The following FKBP1B variants were observed in gnomAD, a reference collection of about 807,000 sequenced individuals.
FKBP1B encodes FKBP prolyl isomerase 1B.
A neutral mutation model predicts 13.5 loss-of-function variants in FKBP1B; 4 were observed. That is an observed-to-expected ratio of 0.30 (90% CI 0.15 to 0.68). The LOEUF (loss-of-function observed/expected upper bound fraction) is 0.68. Among genes scored for constraint, FKBP1B ranks in the 30% least tolerant of loss-of-function variants. The probability of loss-of-function intolerance (pLI) is 0.76; values close to 1 mark genes in which losing one functional copy is unlikely to be tolerated. For synonymous variants in FKBP1B, 54 were observed against 53.6 expected, an observed-to-expected ratio of 1.01 and a Z score of -0.03; for missense variants, 93 against 136.2, an observed-to-expected ratio of 0.68 and a Z score of 1.58.
rs147758762 is a variant in FKBP1B, at chr2:24,056,567, G to A, written c.85+2618G>A. Among the ~76,000 whole-genome samples, 578 of 151,730 alleles carry A rather than the reference G, an allele frequency of 3.8e-3. 4 individuals are homozygous for A. Among genetic ancestry groups the A allele is most frequent in the Admixed American group, 7.7e-3 (117 of 15,244 alleles). Reference sequence around the variant, plus strand: ...CCATGTTGGCCAGGCTGGTCACTGTGGTTTTGATTTGTGTTTCCCTGATGA... The same window carrying A: ...CCATGTTGGCCAGGCTGGTCACTGTAGTTTTGATTTGTGTTTCCCTGATGA... On this transcript the variant is annotated intron_variant, in intron 2 of 3. Transcript: ENST00000380986.
chr2:24,062,876 C>T, intron 3 of FKBP1B, 188 bp from the exon 4 acceptor site: 1 of 807,498 alleles, frequency 1.2e-6, no homozygotes, highest in African/African-American at 1.7e-5. Flanking sequence ...CACATCTCTG[C>T]TGAGGCAGAA....
At position 24,049,819 on chromosome 2, in the gene FKBP1B, A is replaced by AC. The variant is rs569137359; in HGVS notation, c.-25dup. The AC allele has an allele frequency of 1.4e-4, 193 of 1,341,876 alleles. 1 individual carries two copies. Among genetic ancestry groups the AC allele is most frequent in the African/African-American group, 7.9e-4 (52 of 65,462 alleles). The allele number at this position is 1,341,876 out of a possible 1,614,324, so 83.1% of individuals were successfully genotyped here. A position where few individuals can be genotyped will look rare whatever the true frequency, so the allele number is the denominator to read the frequency against. ...GAGCCGGGGTCGGGCAGCAGCAGGGACCCCCCAGAGGCGGGGCCTGTGGGA... is the reference window on the plus strand; with the variant it reads ...GAGCCGGGGTCGGGCAGCAGCAGGGACCCCCCCAGAGGCGGGGCCTGTGGGA... On this transcript the variant is annotated 5_prime_UTR_variant, in exon 1 of 4. Transcript: ENST00000380986.
chr2:24,040,099 C>A, the FKBP1B span, among the ~76,000 whole-genome samples: 1 of 152,068 alleles, frequency 6.6e-6, no homozygotes, highest in Non-Finnish European at 1.5e-5. Context: ...CCGCGCCCGG[C>A]CAGAGTTATT....
At chr2:24,039,038 T>C in the FKBP1B span, 6 of 1,614,168 alleles carry the variant, frequency 3.7e-6, no homozygotes, top group Non-Finnish European at 5.1e-6. Context: ...TGGGTGTTGA[T>C]GTCTGCCTTT....
At chr2:24,058,768 G>A (rs1021480357) in intron 2 of FKBP1B, among the ~76,000 whole-genome samples, 1 of 152,210 alleles carries the variant, frequency 6.6e-6, no homozygotes, top group Non-Finnish European at 1.5e-5. Flanking sequence ...ATGTGAGCAT[G>A]CACAAGTATC....
the FKBP1B span, among the ~76,000 whole-genome samples, chr2:24,043,817 G>A: frequency 2.6e-5 from 4 of 151,808 alleles, no homozygotes; most frequent in Non-Finnish European, 1.5e-5. Context: ...CCAACCTGGT[G>A]ATTTGCTTAT....
At chr2:24,037,771 A>C in the FKBP1B span, 1 of 1,614,256 alleles carries the variant, frequency 6.2e-7, no homozygotes, top group South Asian at 1.1e-5. Context: ...AAGTTCAGAA[A>C]GACACCGTTG....
Position 24,056,446 on chromosome 2 carries a change from C to T in FKBP1B, c.85+2497C>T, listed in dbSNP as rs564441608. ...TGCAACCCCGCCTCCTGGGTTCAAG[C>T]GATTCTTGTGCCTCAACCTCCCAAG... On this transcript the variant is annotated intron_variant, in intron 2 of 3. Transcript: ENST00000380986. Among the ~76,000 whole-genome samples, 26 of 151,472 alleles carry T rather than the reference C, an allele frequency of 1.7e-4. No homozygotes were observed. In the South Asian group the frequency reaches 3.1e-3, roughly 18 times the overall value.
At chr2:24,037,096 C>T in the FKBP1B span, among the ~76,000 whole-genome samples, 4 of 152,360 alleles carry the variant, frequency 2.6e-5, no homozygotes, top group Admixed American at 2.0e-4. Context: ...GGCACAGTCT[C>T]GGCTCACTGA....
the FKBP1B span, among the ~76,000 whole-genome samples, chr2:24,040,932 T>C: frequency 6.7e-6 from 1 of 148,394 alleles, no homozygotes. Flanking sequence ...AGGAGAATCG[T>C]TTGAACTGGG....
chr2:24,054,019 C>T (rs1196644239), intron 2 of FKBP1B, 70 bp downstream of exon 2: 1 of 1,457,162 alleles, frequency 6.9e-7, no homozygotes, highest in Admixed American at 1.7e-5. Context: ...CTGAGCTTCT[C>T]TCCAGAGGTG....
chr2:24,038,961 G>A, the FKBP1B span: 95 of 1,614,074 alleles, frequency 5.9e-5, 2 homozygotes, highest in South Asian at 9.8e-4. Context: ...AAGAATGCAG[G>A]CTGCTGCCTA....
chr2:24,042,320 G>A, the FKBP1B span, among the ~76,000 whole-genome samples: 23 of 151,502 alleles, frequency 1.5e-4, no homozygotes, highest in African/African-American at 5.1e-4. Flanking sequence ...GGCGGATCAC[G>A]AGGTCAGGAG....
chr2:24,037,017 A>C, the FKBP1B span, among the ~76,000 whole-genome samples: 1 of 152,276 alleles, frequency 6.6e-6, no homozygotes, highest in African/African-American at 2.4e-5. Flanking sequence ...AAAACATTTT[A>C]AATGAACATA....
the FKBP1B span, chr2:24,039,202 C>T: frequency 6.2e-7 from 1 of 1,614,224 alleles, no homozygotes; most frequent in Non-Finnish European, 8.5e-7. Flanking sequence ...CAGCCATTTG[C>T]TTGACTCCAT....
At position 24,050,987 on chromosome 2, in the gene FKBP1B, C is replaced by T. The variant is rs899567994; in HGVS notation, c.37+1101C>T. On this transcript the variant is annotated intron_variant, in intron 1 of 3. Coordinates refer to ENST00000380986, the MANE Select transcript of FKBP1B (RefSeq NM_004116.5). The surrounding 1 kb of genome is among the most constrained non-coding windows in gnomAD (Gnocchi z 5.8). Reference sequence around the variant, plus strand: ...AATCTCCCCATCTTCAGTCTCTCCTCCCTGCTTTCAATCTCGTCCCCAATC... The same window carrying T: ...AATCTCCCCATCTTCAGTCTCTCCTTCCTGCTTTCAATCTCGTCCCCAATC... Among the ~76,000 whole-genome samples, 2 of 152,244 alleles carry T rather than the reference C, an allele frequency of 1.3e-5. No individual in the cohort carries two copies. Among genetic ancestry groups the T allele is most frequent in the East Asian group, 3.8e-4 (2 of 5,200 alleles).
intron 2 of FKBP1B, among the ~76,000 whole-genome samples, chr2:24,055,509 G>T (rs746502419): frequency 3.3e-5 from 5 of 152,048 alleles, no homozygotes; most frequent in Non-Finnish European, 7.4e-5. Context: ...TGCCTGGCTG[G>T]CAACTATTAC....
At position 24,050,659 on chromosome 2, in the gene FKBP1B, TG is replaced by T. The variant is rs1278830069; in HGVS notation, c.37+776del. Among the ~76,000 whole-genome samples the T allele has an allele frequency of 6.6e-6, 1 of 152,246 alleles. No individual in the cohort carries two copies. The highest frequency in any genetic ancestry group is 2.4e-5 in the African/African-American group (1 of 41,462). ...TCACTTTCCCAAGTCCTTGTATTAC[TG>T]GGTCTGGGTGTGCAAGGAATAGCCA... On this transcript the variant is annotated intron_variant, in intron 1 of 3. Coordinates refer to ENST00000380986, the MANE Select transcript of FKBP1B (RefSeq NM_004116.5). This position sits in a 1 kb window ranked among gnomAD's most constrained non-coding sequence, Gnocchi z 5.8.
chr2:24,047,428 A>C (rs1361067218), upstream of FKBP1B: 1 of 152,110 alleles, frequency 6.6e-6, no homozygotes, highest in Non-Finnish European at 1.5e-5. Flanking sequence ...CAGTCCTCTG[A>C]TAGGTGGGCG....
Sources: allele counts gnomAD v4.1 joint callset (sites outside exome capture counted in the v4.1 genomes callset), GRCh38; gene constraint gnomAD v4.1.1; non-coding constraint Gnocchi (gnomAD v3.1); transcripts MANE v1.5; gene names NCBI Gene and HGNC (gene_info 2026-07-23, HGNC 2026-07-21).